CACNB4: variants seen among roughly 807,000 people sequenced by gnomAD.
CACNB4 encodes calcium voltage-gated channel auxiliary subunit beta 4, also known as voltage-dependent L-type calcium channel subunit beta-4.
CACNB4 carries 32 observed loss-of-function variants against 71.2 expected under a neutral mutation model. That is an observed-to-expected ratio of 0.45 (90% CI 0.34 to 0.60). CACNB4 has a LOEUF of 0.60. CACNB4 is among the 20% of genes least tolerant of loss of function. The probability of loss-of-function intolerance (pLI) is 0.01; values close to 1 mark genes in which losing one functional copy is unlikely to be tolerated. For missense variants in CACNB4, 464 were observed against 647.9 expected (o/e 0.72, Z 3.08); for synonymous variants, 231 against 236.9 (o/e 0.97, Z 0.23).
chr2:152,020,329 G>T (rs1286460682), intron 2 of CACNB4, among the ~76,000 whole-genome samples: 5 of 152,186 alleles, frequency 3.3e-5, no homozygotes, highest in African/African-American at 1.2e-4. Flanking sequence ...CCCATTAATG[G>T]CTCCTGGGTG....
intron 2 of CACNB4, among the ~76,000 whole-genome samples, chr2:151,891,781 G>A (rs562896530): frequency 5.9e-5 from 9 of 152,264 alleles, no homozygotes; most frequent in South Asian, 2.1e-4. Flanking sequence ...CTGGGAAAGC[G>A]AAAGTGATCA....
At chr2:151,912,596 A>G (rs930766783) in intron 2 of CACNB4, among the ~76,000 whole-genome samples, 1 of 152,174 alleles carries the variant, frequency 6.6e-6, no homozygotes, top group African/African-American at 2.4e-5. Flanking sequence ...TATGTGGTCA[A>G]TTTTAGAATA....
chr2:151,996,931 A>G (rs1201939509), intron 2 of CACNB4, among the ~76,000 whole-genome samples: 1 of 48,492 alleles, frequency 2.1e-5, no homozygotes, highest in East Asian at 2.9e-4. Context: ...GGTGTTTAAG[A>G]AAAAAAATAA....
chr2:151,932,475 T>A (rs1165701404), intron 2 of CACNB4, among the ~76,000 whole-genome samples: 1 of 152,030 alleles, frequency 6.6e-6, no homozygotes, highest in Non-Finnish European at 1.5e-5. Flanking sequence ...CTGATATGAG[T>A]TGAATTATGT....
At chr2:151,848,957 TGTA>T (rs969873161) in intron 12 of CACNB4, among the ~76,000 whole-genome samples, 2 of 151,936 alleles carry the variant, frequency 1.3e-5, no homozygotes, top group Non-Finnish European at 1.5e-5. Flanking sequence ...AATAAAAAAA[TGTA>T]GTGTATAGAT....
intron 2 of CACNB4, among the ~76,000 whole-genome samples, chr2:151,997,864 AT>A (rs1264836987): frequency 5.3e-5 from 8 of 152,164 alleles, no homozygotes; most frequent in Admixed American, 5.2e-4. Context: ...AAATTCCTAA[AT>A]TAATCCCTTT....
intron 2 of CACNB4, among the ~76,000 whole-genome samples, chr2:152,001,519 T>C (rs1162017006): frequency 1.2e-5 from 1 of 83,174 alleles, no homozygotes; most frequent in Non-Finnish European, 2.1e-5. Flanking sequence ...TGAAACCCCA[T>C]CTCTACTAAA....
At chr2:152,054,419 T>C (rs1685622209) in intron 2 of CACNB4, among the ~76,000 whole-genome samples, 1 of 149,796 alleles carries the variant, frequency 6.7e-6, no homozygotes, top group Non-Finnish European at 1.5e-5. Flanking sequence ...TGTATGACAG[T>C]AGAGGAGAAA....
chr2:151,861,842 C>CAAAAAAAAAAAAAAAAAAAAA (rs35080979), intron 9 of CACNB4: 3 of 61,930 alleles, frequency 4.8e-5, no homozygotes, highest in African/African-American at 1.3e-4. Context: ...GACCCTGTCT[C>CAAAAAAAAAAAAAAAAAAAAA]AAAAAAAAAA....
rs112786741 is a variant in CACNB4 at position 151,870,292 on chromosome 2, G to A, written c.699+239C>T. The A allele has an allele frequency of 6.3e-4, 442 of 703,108 alleles. 1 individual carries two copies. In the African/African-American group the frequency reaches 6.7e-3, roughly 11 times the overall value. The allele number at this position is 703,108 out of a possible 1,614,324, so 43.6% of individuals were successfully genotyped here. The stretch of plus-strand genomic sequence containing the variant: ...ATCTTTGACCAGATCTTCCCATTGT[G>A]AATATTTTGAGGGAGGTATTTCTAA... On this transcript the variant is annotated intron_variant, in intron 8 of 13. Coordinates refer to ENST00000539935, the MANE Select transcript of CACNB4 (RefSeq NM_000726.5).
intron 2 of CACNB4, among the ~76,000 whole-genome samples, chr2:152,075,410 A>G (rs1471222940): frequency 6.6e-6 from 1 of 152,244 alleles, no homozygotes; most frequent in Non-Finnish European, 1.5e-5. Flanking sequence ...GAGCGTATTA[A>G]GGGAGGAAGA....
intron 2 of CACNB4, among the ~76,000 whole-genome samples, chr2:151,941,330 G>A (rs1442802941): frequency 2.2e-5 from 3 of 138,536 alleles, no homozygotes; most frequent in African/African-American, 5.5e-5. Context: ...CGTCCAGGCT[G>A]AAATGTAGTG....
intron 12 of CACNB4, among the ~76,000 whole-genome samples, chr2:151,848,667 TC>T (rs1483087221): frequency 6.6e-6 from 1 of 151,772 alleles, no homozygotes; most frequent in Non-Finnish European, 1.5e-5. Flanking sequence ...GGAGATGAGT[TC>T]CCCTCTCCCA....
intron 2 of CACNB4, among the ~76,000 whole-genome samples, chr2:151,947,932 C>T (rs4496331): frequency 0.93 from 140,862 of 152,280 alleles, 65,457 homozygotes; most frequent in Middle Eastern, 0.98. Flanking sequence ...GAGTCTTGGC[C>T]GAGGCTGCCG....
chr2:151,919,796 G>T (rs139180593), intron 2 of CACNB4, among the ~76,000 whole-genome samples: 2 of 152,128 alleles, frequency 1.3e-5, no homozygotes, highest in East Asian at 3.9e-4. Context: ...CATTAAGACT[G>T]GATCCACCTT....
intron 2 of CACNB4, among the ~76,000 whole-genome samples, chr2:151,890,308 G>A (rs539562554): frequency 1.8e-4 from 28 of 152,266 alleles, no homozygotes; most frequent in Admixed American, 1.6e-3. Flanking sequence ...CTCCTTTTTA[G>A]GTTTCAAAGA....
chr2:151,945,660 A>C (rs2099865370), intron 2 of CACNB4, among the ~76,000 whole-genome samples: 3 of 152,212 alleles, frequency 2.0e-5, no homozygotes, highest in East Asian at 1.9e-4. Context: ...CAAATAAATA[A>C]ATTTAAATTT....
intron 2 of CACNB4, among the ~76,000 whole-genome samples, chr2:151,954,850 C>CTTT (rs34054917): frequency 0.42 from 40,251 of 94,866 alleles, 11,450 homozygotes; most frequent in Non-Finnish European, 0.58. Context: ...CAAGTCAGCA[C>CTTT]TTTTTTTTTT....
rs368177473 is a variant in CACNB4 at position 151,888,491 on chromosome 2, G to A, written c.148-5121C>T. On this transcript the variant is annotated intron_variant, in intron 2 of 13. Coordinates refer to ENST00000539935, the MANE Select transcript of CACNB4 (RefSeq NM_000726.5). ...TGAGGTGGGAGGATTGCTTGAGCCC[G>A]GGAGGTGGAGGCTCCAGTGAGCCAT... 1.5e-3 allele frequency among the ~76,000 whole-genome samples: 223 copies of A among 152,200 alleles called. 1 individual carries two copies. The highest frequency in any genetic ancestry group is 5.0e-3 in the African/African-American group (207 of 41,518).
Sources: allele counts gnomAD v4.1 joint callset (sites outside exome capture counted in the v4.1 genomes callset), GRCh38; gene constraint gnomAD v4.1.1; transcripts MANE v1.5; gene names NCBI Gene and HGNC (gene_info 2026-07-23, HGNC 2026-07-21).